The following HCN1 variants were observed in gnomAD, a reference collection of about 807,000 sequenced individuals.
HCN1 encodes the protein hyperpolarization activated cyclic nucleotide gated potassium channel 1.
A neutral mutation model predicts 78.9 loss-of-function variants in HCN1; 13 were observed. The ratio of observed to expected loss-of-function variants is 0.16; its 90% CI spans 0.11 to 0.26. The LOEUF (loss-of-function observed/expected upper bound fraction) is 0.26. Among genes scored for constraint, HCN1 ranks in the 10% least tolerant of loss-of-function variants. The probability of loss-of-function intolerance (pLI) is 1.00; values close to 1 mark genes in which losing one functional copy is unlikely to be tolerated. For synonymous variants in HCN1, 552 were observed against 455.5 expected, an observed-to-expected ratio of 1.21 and a Z score of -2.70; for missense variants, 810 against 1,154.3, an observed-to-expected ratio of 0.70 and a Z score of 4.32.
chr5:45,692,676 A>G (rs1372288927), intron 1 of HCN1, among the ~76,000 whole-genome samples: 2 of 152,084 alleles, frequency 1.3e-5, no homozygotes, highest in Non-Finnish European at 2.9e-5. Flanking sequence ...TACCTGCCAG[A>G]CACAGCAATA....
intron 5 of HCN1, among the ~76,000 whole-genome samples, chr5:45,334,529 CT>C: frequency 6.6e-6 from 1 of 151,752 alleles, no homozygotes; most frequent in African/African-American, 2.4e-5. Flanking sequence ...TTTTCTTATA[CT>C]TTTTTCCCAT....
rs1352884582 is a variant in HCN1 at position 45,261,907 on chromosome 5, A to ACAAT, written c.*10_*13dup. The ACAAT allele has an allele frequency of 6.2e-7, 1 of 1,613,966 alleles. No homozygotes were observed. The highest frequency in any genetic ancestry group is 1.7e-5 in the Admixed American group (1 of 60,012). ...TATGAGAGTATTTCTTTCTGCTTTG[A>ACAAT]CAATCAGCAGGGATCATAAATTTGA... On this transcript the variant is annotated 3_prime_UTR_variant, in exon 8 of 8. Coordinates refer to ENST00000303230, the MANE Select transcript of HCN1 (RefSeq NM_021072.4).
chr5:45,685,194 A>G lies in HCN1; in HGVS notation c.425+10475T>C, dbSNP rs1024975664. ...GGAAAGATTTATCAGGTTATAACTC[A>G]TCTTATTTGCCTCATATGTAATACT... is the stretch of plus-strand genomic sequence containing the variant. On this transcript the variant is annotated intron_variant, in intron 1 of 7. Coordinates refer to ENST00000303230, the MANE Select transcript of HCN1 (RefSeq NM_021072.4). Among the ~76,000 whole-genome samples the G allele has an allele frequency of 5.9e-5, 9 of 152,336 alleles. No individual in the cohort carries two copies. The East Asian group carries it at 1.7e-3, about 29-fold the overall frequency.
intron 3 of HCN1, among the ~76,000 whole-genome samples, chr5:45,460,726 G>T (rs562654550): frequency 6.8e-6 from 1 of 146,588 alleles, no homozygotes; most frequent in African/African-American, 2.5e-5. Context: ...AGGAAGGAAG[G>T]AGGACAATAG....
At chr5:45,321,721 A>G (rs1470275866) in intron 5 of HCN1, among the ~76,000 whole-genome samples, 1 of 151,818 alleles carries the variant, frequency 6.6e-6, no homozygotes, top group Non-Finnish European at 1.5e-5. Context: ...ATGGCAGATC[A>G]TTTAATAGCA....
chr5:45,363,983 T>A (rs944800327), intron 4 of HCN1, among the ~76,000 whole-genome samples: 1 of 152,056 alleles, frequency 6.6e-6, no homozygotes, highest in African/African-American at 2.4e-5. Context: ...AAGTTCTTCC[T>A]CAGTAAATTA....
chr5:45,315,542 G>T (rs1422868260), intron 5 of HCN1, among the ~76,000 whole-genome samples: 1 of 152,106 alleles, frequency 6.6e-6, no homozygotes, highest in Non-Finnish European at 1.5e-5. Context: ...AAAGCTAGCA[G>T]AAGGCAAGAA....
At chr5:45,534,653 T>C (rs1357559817) in intron 2 of HCN1, among the ~76,000 whole-genome samples, 1 of 150,448 alleles carries the variant, frequency 6.6e-6, no homozygotes, top group Non-Finnish European at 1.5e-5. Flanking sequence ...TAACAGCCTA[T>C]ACGAGATTCT....
chr5:45,440,677 C>T (rs537255936), intron 3 of HCN1, among the ~76,000 whole-genome samples: 3 of 152,316 alleles, frequency 2.0e-5, no homozygotes, highest in Admixed American at 6.5e-5. Context: ...CTGCCAACTG[C>T]TGTGTTGTTC....
intron 2 of HCN1, among the ~76,000 whole-genome samples, chr5:45,624,029 C>T (rs1338650012): frequency 2.0e-5 from 3 of 152,254 alleles, no homozygotes; most frequent in East Asian, 3.9e-4. Flanking sequence ...GCAAGTTCCA[C>T]GTAGTGCAGG....
intron 2 of HCN1, among the ~76,000 whole-genome samples, chr5:45,595,443 T>A (rs1377657702): frequency 6.6e-6 from 1 of 152,132 alleles, no homozygotes; most frequent in Middle Eastern, 3.2e-3. Context: ...GTTCAAGCAA[T>A]TCTCCTGCCT....
intron 6 of HCN1, among the ~76,000 whole-genome samples, chr5:45,293,968 T>TA (rs879479490): frequency 2.2e-4 from 33 of 151,812 alleles, no homozygotes; most frequent in Admixed American, 1.3e-3. Context: ...AAAGAAAAAT[T>TA]AAAAAAAACT....
At chr5:45,562,355 G>C (rs1309785652) in intron 2 of HCN1, among the ~76,000 whole-genome samples, 1 of 152,006 alleles carries the variant, frequency 6.6e-6, no homozygotes, top group Non-Finnish European at 1.5e-5. Flanking sequence ...AAAAACCCTA[G>C]AAAAATCTCT....
intron 2 of HCN1, among the ~76,000 whole-genome samples, chr5:45,502,200 G>C (rs1324793410): frequency 6.6e-6 from 1 of 151,876 alleles, no homozygotes; most frequent in Non-Finnish European, 1.5e-5. Flanking sequence ...GGGTGTCGTG[G>C]CTCACATCTA....
chr5:45,364,103 C>T (rs1330984397), intron 4 of HCN1, among the ~76,000 whole-genome samples: 1 of 152,078 alleles, frequency 6.6e-6, no homozygotes, highest in East Asian at 1.9e-4. Context: ...TCTTCTCCAT[C>T]CACATATGGT....
chr5:45,290,119 G>A (rs1745341656), intron 6 of HCN1, among the ~76,000 whole-genome samples: 2 of 151,556 alleles, frequency 1.3e-5, no homozygotes, highest in Non-Finnish European at 2.9e-5. Flanking sequence ...GTTTTATAAA[G>A]GGCAGTTCCC....
At chr5:45,637,497 T>C (rs1031619838) in intron 2 of HCN1, among the ~76,000 whole-genome samples, 1 of 151,458 alleles carries the variant, frequency 6.6e-6, no homozygotes, top group African/African-American at 2.4e-5. Flanking sequence ...TGGAATCTAA[T>C]ATGTAATTGT....
intron 2 of HCN1, among the ~76,000 whole-genome samples, chr5:45,614,905 T>C (rs891343537): frequency 6.6e-6 from 1 of 151,930 alleles, no homozygotes; most frequent in African/African-American, 2.4e-5. Context: ...AATTCATCTA[T>C]TGGTTCATTT....
intron 2 of HCN1, among the ~76,000 whole-genome samples, chr5:45,547,504 ACTC>A (rs1743254607): frequency 6.6e-6 from 1 of 151,802 alleles, no homozygotes; most frequent in Admixed American, 6.6e-5. Flanking sequence ...CAGTCACCCT[ACTC>A]ATTTCAGGCT....
Sources: gnomAD v4.1 joint callset for allele counts (sites outside exome capture counted in the v4.1 genomes callset) on GRCh38, gnomAD v4.1.1 for gene constraint, MANE v1.5 for transcripts, NCBI Gene and HGNC (gene_info 2026-07-23, HGNC 2026-07-21) for gene names.